The following ZDHHC14 variants were observed in gnomAD, a reference collection of about 807,000 sequenced individuals.
ZDHHC14 encodes the protein zDHHC palmitoyltransferase 14.
Under a neutral mutation model 47.7 loss-of-function variants are expected in ZDHHC14, and 16 were observed. The ratio of observed to expected loss-of-function variants is 0.34; its 90% confidence interval spans 0.23 to 0.51. ZDHHC14 has a LOEUF of 0.51. Ranked by LOEUF, ZDHHC14 falls within the 20% of genes least tolerant of loss-of-function variation. The pLI, the probability that ZDHHC14 is intolerant of heterozygous loss-of-function variation, is 0.97. For missense variants in ZDHHC14, 515 were observed against 662.5 expected (o/e 0.78, Z 2.44); for synonymous variants, 293 against 278.9 (o/e 1.05, Z -0.50).
At chr6:157,628,644 T>G (rs1785534330) in intron 4 of ZDHHC14, 158 bp downstream of exon 4, 2 of 958,978 alleles carry the variant, frequency 2.1e-6, no homozygotes. Context: ...CGCTTTTGTT[T>G]CTCACCCTCC....
chr6:157,565,607 T>C (rs1782871501), intron 2 of ZDHHC14, among the ~76,000 whole-genome samples: 1 of 151,990 alleles, frequency 6.6e-6, no homozygotes, highest in African/African-American at 2.4e-5. Context: ...TCACCTGAGA[T>C]GAGGAGTTCA....
chr6:157,560,222 CG>C (rs1406710555), intron 2 of ZDHHC14, among the ~76,000 whole-genome samples: 3 of 152,180 alleles, frequency 2.0e-5, no homozygotes, highest in African/African-American at 7.2e-5. Flanking sequence ...TGGAGAAGAG[CG>C]TGTCAGCCAG....
At position 157,677,585 on chromosome 6, in the gene ZDHHC14, T is replaced by G. The variant is rs1022423568; in HGVS notation, c.*4463T>G. 5 of 152,186 alleles carry G rather than the reference T, an allele frequency of 3.3e-5. No homozygotes were observed. The highest frequency in any genetic ancestry group is 1.2e-4 in the African/African-American group (5 of 41,444). The allele number at this position is 152,186 out of a possible 1,614,324, so 9.4% of individuals were successfully genotyped here. A position where few individuals can be genotyped will look rare whatever the true frequency, so the allele number is the denominator to read the frequency against. On this transcript the variant is annotated 3_prime_UTR_variant, in exon 9 of 9. Transcript: ENST00000359775. ...ATAAATAGCCACAACTGGAGTTATTTTTTGATCTCATAAACCCCAGGAATT... is the reference window on the plus strand; with the variant it reads ...ATAAATAGCCACAACTGGAGTTATTGTTTGATCTCATAAACCCCAGGAATT...
At chr6:157,540,910 G>GTGTGTGTGTGTGTGTGTATATATA (rs1284429244) in intron 1 of ZDHHC14, among the ~76,000 whole-genome samples, 2 of 122,992 alleles carry the variant, frequency 1.6e-5, no homozygotes, top group African/African-American at 8.7e-5. Flanking sequence ...GTGTGTGTGT[G>GTGTGTGTGTGTGTGTGTATATATA]TATATATATA....
At chr6:157,496,048 A>T (rs1207961215) in intron 1 of ZDHHC14, among the ~76,000 whole-genome samples, 1 of 152,206 alleles carries the variant, frequency 6.6e-6, no homozygotes, top group Non-Finnish European at 1.5e-5. Flanking sequence ...GTCATAAAGC[A>T]CATTTCTTTA....
intron 3 of ZDHHC14, among the ~76,000 whole-genome samples, chr6:157,619,294 G>C (rs1016578305): frequency 6.6e-6 from 1 of 152,048 alleles, no homozygotes; most frequent in Non-Finnish European, 1.5e-5. Context: ...GGGAGCCTGA[G>C]GCAAGAGAAT....
chr6:157,497,178 G>A (rs1046664383), intron 1 of ZDHHC14, among the ~76,000 whole-genome samples: 5 of 152,214 alleles, frequency 3.3e-5, no homozygotes, highest in African/African-American at 1.2e-4. Context: ...CCTCATTTTG[G>A]ACAGTGACTA....
intron 3 of ZDHHC14, among the ~76,000 whole-genome samples, chr6:157,616,706 C>T (rs1170332105): frequency 6.6e-6 from 1 of 152,184 alleles, no homozygotes; most frequent in Non-Finnish European, 1.5e-5. Context: ...GCAGGAGGAA[C>T]AGATACTTCG....
chr6:157,562,838 C>A (rs1185108936), intron 2 of ZDHHC14, among the ~76,000 whole-genome samples: 1 of 152,144 alleles, frequency 6.6e-6, no homozygotes, highest in Non-Finnish European at 1.5e-5. Flanking sequence ...GTTGTGTCAG[C>A]TAGGAAGCTG....
intron 1 of ZDHHC14, among the ~76,000 whole-genome samples, chr6:157,507,701 G>A (rs1438564008): frequency 6.6e-6 from 1 of 152,124 alleles, no homozygotes; most frequent in Non-Finnish European, 1.5e-5. Flanking sequence ...TTCCACTTCA[G>A]TTGGACTGGC....
chr6:157,612,632 G>A (rs34486075), intron 3 of ZDHHC14, among the ~76,000 whole-genome samples: 111,051 of 152,026 alleles, frequency 0.73, 41,119 homozygotes, highest in African/African-American at 0.86. Flanking sequence ...TCGAGTGGCC[G>A]ATGTCTCTGC....
intron 1 of ZDHHC14, 46 bp downstream of exon 1, chr6:157,382,312 C>A (rs759452635): frequency 6.3e-7 from 1 of 1,591,630 alleles, no homozygotes; most frequent in East Asian, 2.3e-5. Flanking sequence ...CCCCTGGTCT[C>A]CCCTGTCCCC....
At chr6:157,546,356 C>T (rs1250962135) in intron 2 of ZDHHC14, among the ~76,000 whole-genome samples, 2 of 152,120 alleles carry the variant, frequency 1.3e-5, no homozygotes, top group Admixed American at 6.5e-5. Flanking sequence ...TCTAATTATC[C>T]GTTGTAGATC....
At chr6:157,662,566 T>C (rs1778392289) in intron 8 of ZDHHC14, among the ~76,000 whole-genome samples, 2 of 152,276 alleles carry the variant, frequency 1.3e-5, no homozygotes, top group South Asian at 2.1e-4. Context: ...ATAACAAATA[T>C]TAATTTGTTC....
chr6:157,548,063 T>C (rs1317882557), intron 2 of ZDHHC14, among the ~76,000 whole-genome samples: 1 of 151,950 alleles, frequency 6.6e-6, no homozygotes, highest in Non-Finnish European at 1.5e-5. Context: ...CTTTGTGTAC[T>C]GTATACTAGT....
intron 2 of ZDHHC14, among the ~76,000 whole-genome samples, chr6:157,574,099 C>T (rs1430750973): frequency 6.6e-6 from 1 of 151,308 alleles, no homozygotes. Flanking sequence ...CAACACCACA[C>T]TCTACACCTC....
intron 2 of ZDHHC14, among the ~76,000 whole-genome samples, chr6:157,559,274 C>T (rs1186932576): frequency 6.6e-6 from 1 of 152,248 alleles, no homozygotes; most frequent in Non-Finnish European, 1.5e-5. Flanking sequence ...TGCTGCCCCA[C>T]AGGCTTCTGA....
chr6:157,504,050 T>C (rs558014914), intron 1 of ZDHHC14, among the ~76,000 whole-genome samples: 2 of 152,162 alleles, frequency 1.3e-5, no homozygotes, highest in East Asian at 3.9e-4. Flanking sequence ...CTGTTCACAA[T>C]AGCAAAAAAC....
intron 1 of ZDHHC14, among the ~76,000 whole-genome samples, chr6:157,484,441 C>T (rs1157651678): frequency 2.1e-5 from 3 of 143,256 alleles, no homozygotes; most frequent in African/African-American, 5.2e-5. Flanking sequence ...CGTATATATA[C>T]ATATATATGT....
Sources: allele counts gnomAD v4.1 joint callset (sites outside exome capture counted in the v4.1 genomes callset), GRCh38; gene constraint gnomAD v4.1.1; transcripts MANE v1.5; gene names NCBI Gene and HGNC (gene_info 2026-07-23, HGNC 2026-07-21).